ATG10: variants seen among roughly 807,000 people sequenced by gnomAD.
The protein encoded by ATG10 is ubiquitin-like-conjugating enzyme ATG10.
A neutral mutation model predicts 32.1 loss-of-function variants in ATG10; 30 were observed. The observed-to-expected ratio is 0.94, with a 90% confidence interval of 0.70 to 1.27. The LOEUF is 1.27. ATG10 is among the 50% of genes most tolerant of loss of function. The pLI, the probability that ATG10 is intolerant of heterozygous loss-of-function variation, is 0.00. For missense variants in ATG10, 233 were observed against 262.3 expected, an observed-to-expected ratio of 0.89 and a Z score of 0.77; for synonymous variants, 87 against 91.5, an observed-to-expected ratio of 0.95 and a Z score of 0.28.
intron 5 of ATG10, among the ~76,000 whole-genome samples, chr5:82,215,790 T>G (rs771013357): frequency 1.3e-5 from 2 of 151,908 alleles, no homozygotes; most frequent in Non-Finnish European, 2.9e-5. Flanking sequence ...TACAAAAAAT[T>G]AGCTGGGCAT....
intron 2 of ATG10, among the ~76,000 whole-genome samples, chr5:82,049,735 G>C (rs1229593883): frequency 6.6e-6 from 1 of 152,048 alleles, no homozygotes; most frequent in Non-Finnish European, 1.5e-5. Context: ...CCCATTTTGG[G>C]TTAGTAACTA....
At chr5:82,058,673 G>A in intron 3 of ATG10, 71 bp downstream of exon 3, 1 of 1,007,660 alleles carries the variant, frequency 9.9e-7, no homozygotes, top group Non-Finnish European at 1.5e-6. Context: ...ATACTTTAAT[G>A]ACTCCATCGC....
intron 3 of ATG10, among the ~76,000 whole-genome samples, chr5:82,084,954 A>C (rs1764618056): frequency 6.6e-6 from 1 of 152,202 alleles, no homozygotes; most frequent in Non-Finnish European, 1.5e-5. Context: ...TAACATCATA[A>C]TGACAGGATC....
At chr5:82,100,014 T>TTG (rs1561298221) in intron 3 of ATG10, among the ~76,000 whole-genome samples, 4 of 133,424 alleles carry the variant, frequency 3.0e-5, no homozygotes, top group African/African-American at 1.1e-4. Flanking sequence ...TTTTTTTTTT[T>TTG]TTTTTTTTTT....
At chr5:82,061,350 G>GT (rs11383096) in intron 3 of ATG10, among the ~76,000 whole-genome samples, 144,248 of 149,810 alleles carry the variant, frequency 0.96, 69,548 homozygotes, top group East Asian at 1. Flanking sequence ...TTCTTAGAAT[G>GT]TTTTTTTTTT....
At chr5:82,041,247 G>A (rs1205739098) in intron 2 of ATG10, among the ~76,000 whole-genome samples, 1 of 151,968 alleles carries the variant, frequency 6.6e-6, no homozygotes, top group Non-Finnish European at 1.5e-5. Context: ...ATGTTTTATT[G>A]TTTATGTATT....
intron 2 of ATG10, among the ~76,000 whole-genome samples, chr5:82,033,782 A>G (rs1762811990): frequency 6.6e-6 from 1 of 151,086 alleles, no homozygotes; most frequent in Non-Finnish European, 1.5e-5. Flanking sequence ...ATATACGTGT[A>G]TGTTTGTACT....
intron 2 of ATG10, among the ~76,000 whole-genome samples, chr5:82,045,916 C>T (rs1276402252): frequency 6.6e-6 from 1 of 152,034 alleles, no homozygotes. Context: ...TTCAATCTCA[C>T]CATATCCAGG....
intron 5 of ATG10, among the ~76,000 whole-genome samples, chr5:82,189,422 A>G (rs1319885040): frequency 6.6e-6 from 1 of 152,172 alleles, no homozygotes; most frequent in East Asian, 1.9e-4. Flanking sequence ...ATGGAAAAAT[A>G]GTCTTCTTTA....
At chr5:82,132,444 C>T (rs529639134) in intron 3 of ATG10, among the ~76,000 whole-genome samples, 2 of 148,998 alleles carry the variant, frequency 1.3e-5, no homozygotes, top group Non-Finnish European at 3.0e-5. Context: ...GTGATGTTCC[C>T]CTCCCTGTGT....
intron 4 of ATG10, among the ~76,000 whole-genome samples, chr5:82,177,127 T>C (rs1346149683): frequency 3.9e-5 from 6 of 152,182 alleles, no homozygotes; most frequent in East Asian, 1.9e-4. Flanking sequence ...CTGATATTTA[T>C]TGAGCTCTTA....
In ATG10 at chr5:81,994,710, A is replaced by G. The variant is rs1003218177; in HGVS notation, c.108+7032A>G. 7.2e-5 allele frequency among the ~76,000 whole-genome samples: 11 copies of G among 152,306 alleles called. No individual in the cohort carries two copies. The South Asian group carries it at 2.3e-3, about 32-fold the overall frequency. On this transcript the variant is annotated intron_variant, in intron 2 of 7. Transcript: ENST00000282185. ...AATCAGTTTTACCCTTGATATCTTT[A>G]TAGTCACTGCAGTTTTTAAGATTCT...
At chr5:82,041,532 C>A (rs561067400) in intron 2 of ATG10, among the ~76,000 whole-genome samples, 1 of 151,838 alleles carries the variant, frequency 6.6e-6, no homozygotes, top group Non-Finnish European at 1.5e-5. Flanking sequence ...GTAATAAGAG[C>A]GTTAAATGCT....
At chr5:82,103,686 C>T (rs1765353214) in intron 3 of ATG10, among the ~76,000 whole-genome samples, 2 of 152,098 alleles carry the variant, frequency 1.3e-5, no homozygotes, top group Non-Finnish European at 2.9e-5. Context: ...CCTTTAGAAA[C>T]CCATACTCAG....
At chr5:82,033,700 T>C (rs946569530) in intron 2 of ATG10, among the ~76,000 whole-genome samples, 18 of 150,778 alleles carry the variant, frequency 1.2e-4, no homozygotes, top group Admixed American at 9.4e-4. Context: ...GTAGATCTTA[T>C]TCAGTTACTT....
intron 3 of ATG10, among the ~76,000 whole-genome samples, chr5:82,112,538 A>G (rs933515675): frequency 4.0e-5 from 6 of 151,822 alleles, no homozygotes; most frequent in Admixed American, 3.3e-4. Context: ...AATTTTACTA[A>G]ATGATGATAT....
intron 5 of ATG10, among the ~76,000 whole-genome samples, chr5:82,240,668 C>A (rs1338163665): frequency 2.0e-5 from 3 of 152,078 alleles, no homozygotes; most frequent in Admixed American, 1.3e-4. Context: ...TTGGAATGTT[C>A]CCAACATAAA....
intron 2 of ATG10, among the ~76,000 whole-genome samples, chr5:82,021,025 G>A (rs980063203): frequency 1.3e-5 from 2 of 152,136 alleles, no homozygotes; most frequent in Admixed American, 6.5e-5. Context: ...TCCTAAAACA[G>A]AGATTACTTC....
intron 3 of ATG10, among the ~76,000 whole-genome samples, chr5:82,123,926 A>T (rs1376412649): frequency 6.6e-6 from 1 of 152,032 alleles, no homozygotes; most frequent in African/African-American, 2.4e-5. Flanking sequence ...ACAGAGCAAG[A>T]CCCTGTTTCA....
Sources: gnomAD v4.1 joint callset for allele counts (sites outside exome capture counted in the v4.1 genomes callset) on GRCh38, gnomAD v4.1.1 for gene constraint, MANE v1.5 for transcripts, NCBI Gene and HGNC (gene_info 2026-07-23, HGNC 2026-07-21) for gene names.